Variants in KCNN2 observed in about 807,000 individuals in gnomAD.
The protein encoded by KCNN2 is potassium calcium-activated channel subfamily N member 2, also known as small conductance calcium-activated potassium channel protein 2.
KCNN2 carries 24 observed loss-of-function variants against 55.5 expected under a neutral mutation model. That is an observed-to-expected ratio of 0.43 (90% CI 0.31 to 0.61). The LOEUF is 0.61. Ranked by LOEUF, KCNN2 falls within the 20% of genes least tolerant of loss-of-function variation. The pLI is 0.08. For synonymous variants in KCNN2, 431 were observed against 336.1 expected, an observed-to-expected ratio of 1.28 and a Z score of -3.09; for missense variants, 754 against 853.6, an observed-to-expected ratio of 0.88 and a Z score of 1.45.
intron 2 of KCNN2, among the ~76,000 whole-genome samples, chr5:114,321,637 T>C (rs1238088786): frequency 1.4e-5 from 2 of 140,238 alleles, no homozygotes; most frequent in South Asian, 5.0e-4. Flanking sequence ...TCAGGTATAA[T>C]GTTCACTGGA....
At chr5:114,232,201 A>T (rs1210274600) in intron 2 of KCNN2, among the ~76,000 whole-genome samples, 1 of 150,974 alleles carries the variant, frequency 6.6e-6, no homozygotes, top group Non-Finnish European at 1.5e-5. Flanking sequence ...TTCAGGCAAG[A>T]GGCGTCATTG....
chr5:114,317,294 T>G (rs1280720620), intron 2 of KCNN2, among the ~76,000 whole-genome samples: 1 of 152,142 alleles, frequency 6.6e-6, no homozygotes, highest in African/African-American at 2.4e-5. Context: ...GAAATACACT[T>G]TTTTACAAAG....
intron 2 of KCNN2, among the ~76,000 whole-genome samples, chr5:114,384,327 T>A (rs781200756): frequency 2.6e-5 from 4 of 152,334 alleles, no homozygotes; most frequent in Non-Finnish European, 5.9e-5. Context: ...TCTTTATCCA[T>A]AATTAGTTGT....
chr5:114,109,502 C>G (rs1021481566), intron 1 of KCNN2, among the ~76,000 whole-genome samples: 1 of 152,038 alleles, frequency 6.6e-6, no homozygotes, highest in African/African-American at 2.4e-5. Flanking sequence ...TTGTCCACCT[C>G]AACTAGTTTC....
chr5:114,236,369 T>C (rs1455801402), intron 2 of KCNN2, among the ~76,000 whole-genome samples: 2 of 152,100 alleles, frequency 1.3e-5, no homozygotes, highest in Non-Finnish European at 2.9e-5. Flanking sequence ...TTTTAAAGAT[T>C]ATGTTTTTTT....
At chr5:114,462,202 G>A (rs945878157) in intron 3 of KCNN2, among the ~76,000 whole-genome samples, 4 of 152,130 alleles carry the variant, frequency 2.6e-5, no homozygotes, top group African/African-American at 9.7e-5. Context: ...CACATCACGG[G>A]CACAGAGGGT....
At chr5:114,469,030 C>T (rs1015244595) in intron 4 of KCNN2, among the ~76,000 whole-genome samples, 3 of 152,152 alleles carry the variant, frequency 2.0e-5, no homozygotes, top group Admixed American at 1.3e-4. Flanking sequence ...CTTACAGTTT[C>T]TGCGCTATAA....
chr5:114,494,682 GTTTC>G (rs1347754281), intron 7 of KCNN2, among the ~76,000 whole-genome samples: 1 of 152,026 alleles, frequency 6.6e-6, no homozygotes, highest in African/African-American at 2.4e-5. Flanking sequence ...GCAAGATGCT[GTTTC>G]TTTATTAATG....
At chr5:114,430,933 C>T (rs1450527916) in intron 3 of KCNN2, among the ~76,000 whole-genome samples, 1 of 152,068 alleles carries the variant, frequency 6.6e-6, no homozygotes, top group African/African-American at 2.4e-5. Flanking sequence ...CTTGTATGCT[C>T]AGAATAAATT....
intron 2 of KCNN2, among the ~76,000 whole-genome samples, chr5:114,312,735 T>C (rs73779791): frequency 0.046 from 7,036 of 151,986 alleles, 562 homozygotes; most frequent in African/African-American, 0.16. Flanking sequence ...CTGGAGAGGA[T>C]TGCACTTGAC....
chr5:114,492,961 T>A (rs1265859626), intron 6 of KCNN2, among the ~76,000 whole-genome samples: 1 of 152,146 alleles, frequency 6.6e-6, no homozygotes, highest in Non-Finnish European at 1.5e-5. Flanking sequence ...CCAATCCATT[T>A]CGGACTAAAC....
intron 3 of KCNN2, among the ~76,000 whole-genome samples, chr5:114,455,456 C>G: frequency 6.6e-6 from 1 of 152,186 alleles, no homozygotes; most frequent in African/African-American, 2.4e-5. Flanking sequence ...AGCTGTTCCC[C>G]CATCTCTCTC....
chr5:114,188,245 C>T (rs1753379591), intron 1 of KCNN2, among the ~76,000 whole-genome samples: 1 of 152,178 alleles, frequency 6.6e-6, no homozygotes, highest in Admixed American at 6.5e-5. Flanking sequence ...CTAATCCTGG[C>T]TGTAACTATT....
At chr5:114,336,639 C>G in intron 2 of KCNN2, among the ~76,000 whole-genome samples, 1 of 152,026 alleles carries the variant, frequency 6.6e-6, no homozygotes, top group Non-Finnish European at 1.5e-5. Context: ...ATGAAGAATC[C>G]AAATAAGGGA....
chr5:114,347,032 T>C (rs181948), intron 2 of KCNN2, among the ~76,000 whole-genome samples: 124,633 of 152,146 alleles, frequency 0.82, 51,190 homozygotes, highest in East Asian at 0.97. Flanking sequence ...TACCTTTATA[T>C]GGTTACAATA....
At chr5:114,222,445 A>G (rs1161599013) in intron 2 of KCNN2, among the ~76,000 whole-genome samples, 4 of 152,194 alleles carry the variant, frequency 2.6e-5, no homozygotes, top group Admixed American at 1.3e-4. Context: ...GCCTTCCCCA[A>G]AATACTTTAG....
chr5:114,250,518 A>G lies in KCNN2; in HGVS notation c.-185+28953A>G, dbSNP rs549430923. Among the ~76,000 whole-genome samples the G allele has an allele frequency of 2.6e-5, 4 of 152,342 alleles. No individual in the cohort carries two copies. The South Asian group carries it at 8.3e-4, about 32-fold the overall frequency. ...GTATCTGCTTTGATGTGTCAGAACA[A>G]CATTAGAGACATTTCCAGTAGTTGG... On this transcript the variant is annotated intron_variant, in intron 2 of 10. Coordinates refer to the KCNN2 transcript ENST00000512097.
chr5:114,161,792 A>G (rs1752791391), intron 1 of KCNN2, among the ~76,000 whole-genome samples: 2 of 152,142 alleles, frequency 1.3e-5, no homozygotes, highest in Admixed American at 6.6e-5. Flanking sequence ...AGTTGATCAC[A>G]TCAGCTACTG....
In KCNN2 at chr5:114,165,889, G is replaced by A. The variant is rs888496755; in HGVS notation, c.-270-55591G>A. Among the ~76,000 whole-genome samples the A allele has an allele frequency of 2.6e-5, 4 of 151,964 alleles. No individual in the cohort carries two copies. The East Asian group carries it at 5.8e-4, about 22-fold the overall frequency. On this transcript the variant is annotated intron_variant, in intron 1 of 10. Transcript: ENST00000512097. ...ATGGGTTTTTAACTGTGTGGGGGTT[G>A]GCGTCCCTAACCCCACATTTTTCAA...
Sources: allele counts gnomAD v4.1 joint callset (sites outside exome capture counted in the v4.1 genomes callset), GRCh38; gene constraint gnomAD v4.1.1; transcripts MANE v1.5; gene names NCBI Gene and HGNC (gene_info 2026-07-23, HGNC 2026-07-21).